Variants in HGF observed in about 807,000 individuals in gnomAD.
The protein encoded by HGF is fibroblast-derived tumor cytotoxic factor.
A neutral mutation model predicts 111.6 loss-of-function variants in HGF; 39 were observed. That is an observed-to-expected ratio of 0.35 (90% CI 0.27 to 0.46). The LOEUF (loss-of-function observed/expected upper bound fraction) is 0.46, where lower values mean the gene tolerates loss of function less well. Ranked by LOEUF, HGF falls within the 20% of genes least tolerant of loss-of-function variation. The probability of loss-of-function intolerance (pLI) is 1.00; values close to 1 mark genes in which losing one functional copy is unlikely to be tolerated. For missense variants in HGF, 735 were observed against 910.5 expected (o/e 0.81, Z 2.48); for synonymous variants, 285 against 294.8 (o/e 0.97, Z 0.34).
intron 5 of HGF, among the ~76,000 whole-genome samples, chr7:81,750,424 A>G (rs1788442959): frequency 6.6e-6 from 1 of 152,160 alleles, no homozygotes; most frequent in South Asian, 2.1e-4. Context: ...CAATAGCATC[A>G]TGTGCCATTA....
rs1184005226 is a variant in HGF, at chr7:81,758,741, A to T, written c.318T>A (p.Ser106Arg). 1 of 1,613,286 alleles carries T rather than the reference A, an allele frequency of 6.2e-7. No individual in the cohort carries two copies. Among genetic ancestry groups the T allele is most frequent in the Non-Finnish European group, 8.5e-7 (1 of 1,179,528 alleles). The part of the protein sequence containing the change: ...CLWFPFNSMS[S>R]GVKKEFGHEF... ...CATGGCCAAATTCTTTTTTCACTCC[A>T]CTTGACATGCTATTGAAGGGGAACC... Residue 106 changes from serine to arginine, a missense_variant, in exon 3 of 18, where the codon AGT (serine) becomes AGA (arginine). Transcript: ENST00000222390.
chr7:81,702,678 C>T lies in HGF; in HGVS notation c.2090G>A (p.Cys697Tyr), dbSNP rs2115742436. The change falls in exon 18 of 18, where the codon TGT becomes TAT. Residue 697 changes from cysteine to tyrosine, a missense_variant. Around this residue, in one of 3 missense-constraint regions of HGF, gnomAD observed 52 missense variants for 95.0 expected, o/e 0.55. Coordinates refer to ENST00000222390, the MANE Select transcript of HGF (RefSeq NM_000601.6). ...VLGVIVPGRG[C>Y]AIPNRPGIFV... ...AATACCAGGACGATTTGGAATGGCA[C>T]ATCCACGACCAGGAACAATGACACC... 6.2e-7 allele frequency: 1 copy of T among 1,611,704 alleles called. No homozygotes were observed. The highest frequency in any genetic ancestry group is 8.5e-7 in the Non-Finnish European group (1 of 1,178,354).
At chr7:81,768,658 C>T (rs1420909389) in intron 1 of HGF, among the ~76,000 whole-genome samples, 1 of 152,158 alleles carries the variant, frequency 6.6e-6, no homozygotes, top group Non-Finnish European at 1.5e-5. Context: ...GGATTACAGG[C>T]GTGAGCCACC....
At chr7:81,734,531 G>C (rs1434750673) in intron 7 of HGF, among the ~76,000 whole-genome samples, 1 of 152,050 alleles carries the variant, frequency 6.6e-6, no homozygotes, top group Admixed American at 6.6e-5. Flanking sequence ...TTTAAGATTT[G>C]AACAGATTTT....
chr7:81,750,685 G>A (rs1013798386), intron 5 of HGF, among the ~76,000 whole-genome samples: 6 of 152,100 alleles, frequency 3.9e-5, no homozygotes, highest in Non-Finnish European at 1.5e-5. Context: ...GGCAGGTAAC[G>A]AAAATAGTAA....
At position 81,743,408 on chromosome 7, in the gene HGF, C is replaced by G. The variant is rs1562892304; in HGVS notation, c.810G>C (p.Trp270Cys). ...GGGTGTGAGGGTCAAGAGTATAGCA[C>G]CATGGCCTCGGCTGGCCATCGGGAT... ...CRNPDGQPRP[W>C]CYTLDPHTRW... The change falls in exon 7 of 18, where the codon TGG becomes TGC. Residue 270 changes from tryptophan (W) to cysteine (C), a missense_variant. By Grantham distance (215) the Trp-to-Cys change is radical. This residue lies in a region of HGF where 553 missense variants were observed against 685.6 expected (regional missense o/e 0.81). Transcript: ENST00000222390. 6.2e-7 allele frequency: 1 copy of G among 1,613,948 alleles called. No individual in the cohort carries two copies. Among genetic ancestry groups the G allele is most frequent in the Non-Finnish European group, 8.5e-7 (1 of 1,179,840 alleles).
chr7:81,743,436 C>T lies in HGF; in HGVS notation c.782G>A (p.Arg261His), dbSNP rs768451705. The change falls in exon 7 of 18, where the codon CGC becomes CAC. Residue 261 changes from arginine to histidine, a missense_variant. Physicochemically the swap from Arg to His is conservative, Grantham distance 29 (BLOSUM62 0). Coordinates refer to ENST00000222390, the MANE Select transcript of HGF (RefSeq NM_000601.6). ...TGGCCTCGGCTGGCCATCGGGATTGCGGCAATAATTATCATCAAAGCCCTT... is the reference window on the plus strand; with the variant it reads ...TGGCCTCGGCTGGCCATCGGGATTGTGGCAATAATTATCATCAAAGCCCTT... ...PDKGFDDNYC[R>H]NPDGQPRPWC... The T allele has an allele frequency of 1.2e-6, 2 of 1,612,892 alleles. No homozygotes were observed. Among genetic ancestry groups the T allele is most frequent in the African/African-American group, 1.3e-5 (1 of 74,848 alleles).
intron 1 of HGF, among the ~76,000 whole-genome samples, chr7:81,768,858 A>AT (rs1408534362): frequency 6.6e-6 from 1 of 152,090 alleles, no homozygotes; most frequent in Non-Finnish European, 1.5e-5. Flanking sequence ...GGGTTGAATG[A>AT]TTTTCCTTTG....
At chr7:81,751,846 TA>T in intron 5 of HGF, 1 of 1,270,462 alleles carries the variant, frequency 7.9e-7, no homozygotes, top group Non-Finnish European at 1.0e-6. Context: ...AGACAGTAGG[TA>T]AGTAAACCCT....
chr7:81,760,659 A>G (rs1789017800), intron 2 of HGF, among the ~76,000 whole-genome samples: 2 of 146,626 alleles, frequency 1.4e-5, no homozygotes, highest in African/African-American at 2.6e-5. Flanking sequence ...TCCCAAATAC[A>G]TATGTGTGTC....
chr7:81,724,885 T>G (rs1326930121), intron 9 of HGF, among the ~76,000 whole-genome samples: 3 of 152,232 alleles, frequency 2.0e-5, no homozygotes, highest in African/African-American at 7.2e-5. Flanking sequence ...CTTAAAAATC[T>G]ATTTCAATCT....
At chr7:81,713,991 T>C (rs1422089259) in intron 11 of HGF, among the ~76,000 whole-genome samples, 13 of 19,508 alleles carry the variant, frequency 6.7e-4, no homozygotes, top group Non-Finnish European at 1.8e-3. Context: ...TGTGTGTGCG[T>C]GTGTGTGTGT....
chr7:81,767,826 A>G (rs1293887019), intron 1 of HGF, among the ~76,000 whole-genome samples: 1 of 152,226 alleles, frequency 6.6e-6, no homozygotes, highest in Non-Finnish European at 1.5e-5. Context: ...GCTAGTAACA[A>G]CAAAAGAAAC....
chr7:81,760,680 CGTGTGTGTGTGTGTGTGT>C lies in HGF; in HGVS notation c.255-1894_255-1877del, dbSNP rs55865050. ...ATACATATGTGTGTCTATGTGCGTG[CGTGTGTGTGTGTGTGTGT>C]GTGTGTGTGTGTGTGTGTGTGTGTG... is the stretch of plus-strand genomic sequence containing the variant. On this transcript the variant is annotated intron_variant, in intron 2 of 17. Transcript: ENST00000222390. Among the ~76,000 whole-genome samples, 7 of 139,484 alleles carry C rather than the reference CGTGTGTGTGTGTGTGTGT, an allele frequency of 5.0e-5. No individual in the cohort carries two copies. The East Asian group carries it at 8.6e-4, about 17-fold the overall frequency. 91.5% of individuals were successfully genotyped at this position (139,484 alleles called of 152,430 possible).
At chr7:81,741,008 T>A (rs1296783227) in intron 7 of HGF, among the ~76,000 whole-genome samples, 1 of 152,202 alleles carries the variant, frequency 6.6e-6, no homozygotes, top group Non-Finnish European at 1.5e-5. Flanking sequence ...CACCACCAAA[T>A]TTTTGGTTTT....
At position 81,745,136 on chromosome 7, in the gene HGF, T is replaced by C; in HGVS notation, c.626-16A>G. On this transcript the variant is annotated splice_polypyrimidine_tract_variant and intron_variant, in intron 5 of 17. Transcript: ENST00000222390. ...ATGCATTCAACTAATAAAATTAAAGTATGGCATGTTAATTGTTTCTGACAG... is the reference window on the plus strand; with the variant it reads ...ATGCATTCAACTAATAAAATTAAAGCATGGCATGTTAATTGTTTCTGACAG... 13 of 1,613,230 alleles carry C rather than the reference T, an allele frequency of 8.1e-6. No homozygotes were observed. The highest frequency in any genetic ancestry group is 1.1e-5 in the Non-Finnish European group (13 of 1,179,474).
At chr7:81,765,510 CA>C (rs560879484) in intron 1 of HGF, among the ~76,000 whole-genome samples, 6 of 152,002 alleles carry the variant, frequency 3.9e-5, no homozygotes, top group Non-Finnish European at 7.4e-5. Flanking sequence ...ACAAAGCTAT[CA>C]GGGGCAATCA....
At chr7:81,753,555 C>T (rs908901353) in intron 4 of HGF, among the ~76,000 whole-genome samples, 2 of 151,936 alleles carry the variant, frequency 1.3e-5, no homozygotes, top group African/African-American at 4.8e-5. Flanking sequence ...AAAACAAATA[C>T]AGGTATGCGT....
intron 1 of HGF, among the ~76,000 whole-genome samples, chr7:81,767,317 G>T (rs902627055): frequency 6.6e-6 from 1 of 151,058 alleles, no homozygotes; most frequent in Non-Finnish European, 1.5e-5. Flanking sequence ...ACACCACATA[G>T]TTCATTCACA....
Sources: allele counts gnomAD v4.1 joint callset (sites outside exome capture counted in the v4.1 genomes callset), GRCh38; gene constraint gnomAD v4.1.1; regional missense constraint gnomAD v4.1.1; transcripts MANE v1.5; gene names NCBI Gene and HGNC (gene_info 2026-07-23, HGNC 2026-07-21).